AK8: variants seen among roughly 807,000 people sequenced by gnomAD.
AK8 encodes the protein adenylate kinase 8.
In AK8, 44 loss-of-function variants were observed where a neutral mutation model predicts 54.6. That is an observed-to-expected ratio of 0.81 (90% CI 0.63 to 1.04). AK8 has a LOEUF of 1.04. Among genes scored for constraint, AK8 ranks in the 50% least tolerant of loss-of-function variants. The pLI, the probability that AK8 is intolerant of heterozygous loss-of-function variation, is 0.00. For missense variants in AK8, 555 were observed against 613.6 expected, an observed-to-expected ratio of 0.90 and a Z score of 1.01; for synonymous variants, 239 against 245.6, an observed-to-expected ratio of 0.97 and a Z score of 0.25.
intron 11 of AK8, among the ~76,000 whole-genome samples, chr9:132,768,117 A>G (rs914283749): frequency 6.6e-6 from 1 of 152,234 alleles, no homozygotes; most frequent in Non-Finnish European, 1.5e-5. Context: ...TTCCCAAAAT[A>G]AAGAAATGAT....
chr9:132,866,214 C>A (rs1348152376), intron 3 of AK8, among the ~76,000 whole-genome samples: 1 of 152,086 alleles, frequency 6.6e-6, no homozygotes, highest in Non-Finnish European at 1.5e-5. Flanking sequence ...CAAAAAAGGA[C>A]CTTAAAGATC....
chr9:132,779,481 G>A (rs546537091), intron 11 of AK8, among the ~76,000 whole-genome samples: 4 of 152,292 alleles, frequency 2.6e-5, no homozygotes, highest in South Asian at 2.1e-4. Flanking sequence ...ACCACCATGC[G>A]CGGCTTAGCG....
chr9:132,728,284 A>G (rs1836667657), intron 11 of AK8, among the ~76,000 whole-genome samples: 1 of 152,174 alleles, frequency 6.6e-6, no homozygotes, highest in South Asian at 2.1e-4. Context: ...TGGTTCAGGG[A>G]TAGCTCTCAG....
intron 11 of AK8, among the ~76,000 whole-genome samples, chr9:132,734,172 G>T (rs933681948): frequency 6.6e-6 from 1 of 152,196 alleles, no homozygotes; most frequent in Non-Finnish European, 1.5e-5. Flanking sequence ...TATCTGGAAG[G>T]CTTGCGTAAA....
At chr9:132,787,236 G>A (rs1395849594) in intron 11 of AK8, among the ~76,000 whole-genome samples, 1 of 152,116 alleles carries the variant, frequency 6.6e-6, no homozygotes, top group African/African-American at 2.4e-5. Flanking sequence ...AATAATTCAA[G>A]AAAATGTCCC....
Position 132,867,395 on chromosome 9 carries a change from T to C in AK8, c.170-442A>G, listed in dbSNP as rs528575552. On this transcript the variant is annotated intron_variant, in intron 2 of 12. Coordinates refer to ENST00000298545, the MANE Select transcript of AK8 (RefSeq NM_152572.3). Reference sequence around the variant, plus strand: ...CCCATGATTTTACAGAGGGAAGTAATGGGAAAAGCCTGGAGTGTATGGGCC... The same window carrying C: ...CCCATGATTTTACAGAGGGAAGTAACGGGAAAAGCCTGGAGTGTATGGGCC... Among the ~76,000 whole-genome samples the C allele has an allele frequency of 2.4e-4, 37 of 152,324 alleles. No homozygotes were observed. The East Asian group carries it at 5.2e-3, about 21-fold the overall frequency.
At chr9:132,795,295 A>C (rs929156994) in intron 10 of AK8, among the ~76,000 whole-genome samples, 2 of 151,710 alleles carry the variant, frequency 1.3e-5, no homozygotes, top group African/African-American at 2.4e-5. Flanking sequence ...ATAAGCTCCA[A>C]GAGTCACAGT....
Position 132,727,538 on chromosome 9 carries a change from T to C in AK8, c.1122-4A>G, listed in dbSNP as rs1294274275. ...TGGCACATTCAGGAAAAACACCCTA[T>C]AAGGAAATAAACCATATTAATAATG... On this transcript the variant is annotated splice_polypyrimidine_tract_variant and splice_region_variant and intron_variant, in intron 11 of 12. Coordinates refer to ENST00000298545, the MANE Select transcript of AK8 (RefSeq NM_152572.3). The C allele has an allele frequency of 1.2e-6, 2 of 1,612,312 alleles. No individual in the cohort carries two copies. Among genetic ancestry groups the C allele is most frequent in the Non-Finnish European group, 1.7e-6 (2 of 1,178,494 alleles).
At position 132,749,194 on chromosome 9, in the gene AK8, C is replaced by T. The variant is rs115352287; in HGVS notation, c.1122-21660G>A. ...CAGTAAATATTTACAATGTTTTTCA[C>T]GAACTAAGCATGCTACATAACATAA... On this transcript the variant is annotated intron_variant, in intron 11 of 12. Coordinates refer to ENST00000298545, the MANE Select transcript of AK8 (RefSeq NM_152572.3). Among the ~76,000 whole-genome samples, 840 of 152,008 alleles carry T rather than the reference C, an allele frequency of 5.5e-3. 15 individuals are homozygous for T. The highest frequency in any genetic ancestry group is 0.019 in the African/African-American group (799 of 41,526).
chr9:132,862,618 TGCACCCA>T (rs1321309476), intron 4 of AK8, among the ~76,000 whole-genome samples: 5 of 152,106 alleles, frequency 3.3e-5, no homozygotes. Flanking sequence ...CGTGAGTCAT[TGCACCCA>T]GCCCATCCAT....
chr9:132,822,270 A>C (rs1327202104), intron 9 of AK8, among the ~76,000 whole-genome samples: 5 of 126,754 alleles, frequency 3.9e-5, no homozygotes, highest in African/African-American at 6.0e-5. Flanking sequence ...TGTATATACA[A>C]ATATATACAT....
rs1840339322 is a variant in AK8, at chr9:132,799,476, C to T, written c.980-6701G>A. Among the ~76,000 whole-genome samples the T allele has an allele frequency of 6.6e-6, 1 of 152,036 alleles. No homozygotes were observed. Among genetic ancestry groups the T allele is most frequent in the Non-Finnish European group, 1.5e-5 (1 of 67,992 alleles). On this transcript the variant is annotated intron_variant, in intron 10 of 12. Transcript: ENST00000298545. The surrounding 1 kb of genome is among the most constrained non-coding windows in gnomAD (Gnocchi z 5.0). ...CACATGCCCTGCACACGTCACCCCT[C>T]CATGCACACTCATAAACGCCCCCAC...
rs548887528 is a variant in AK8 at position 132,837,819 on chromosome 9, G to C, written c.403-9093C>G. Among the ~76,000 whole-genome samples the C allele has an allele frequency of 4.6e-5, 7 of 152,308 alleles. No homozygotes were observed. Among genetic ancestry groups the C allele is most frequent in the African/African-American group, 1.7e-4 (7 of 41,560 alleles). ...GGGGCACAGGAGGTGTGCTCACTGT[G>C]CTGTGCCCGGCACCTCACCAAGCCC... is the stretch of plus-strand genomic sequence containing the variant. On this transcript the variant is annotated intron_variant, in intron 5 of 12. Transcript: ENST00000298545. This position sits in a 1 kb window ranked among gnomAD's most constrained non-coding sequence, Gnocchi z 4.3.
intron 11 of AK8, among the ~76,000 whole-genome samples, chr9:132,738,830 C>T (rs1837237839): frequency 6.7e-6 from 1 of 148,694 alleles, no homozygotes. Flanking sequence ...TCATGACTGG[C>T]TGCAGCCTCT....
At position 132,803,807 on chromosome 9, in the gene AK8, G is replaced by A. The variant is rs919303300; in HGVS notation, c.979+10831C>T. On this transcript the variant is annotated intron_variant, in intron 10 of 12. Coordinates refer to ENST00000298545, the MANE Select transcript of AK8 (RefSeq NM_152572.3). The surrounding 1 kb of genome is among the most constrained non-coding windows in gnomAD (Gnocchi z 4.4). ...GCCCCCTGTGACCTGTCTCCTCTTT[G>A]TTCCTTCAAGACTAATTCTCTGGGC... Among the ~76,000 whole-genome samples, 2 of 152,064 alleles carry A rather than the reference G, an allele frequency of 1.3e-5. No individual in the cohort carries two copies. Among genetic ancestry groups the A allele is most frequent in the Non-Finnish European group, 2.9e-5 (2 of 68,002 alleles).
chr9:132,762,471 A>G (rs1490470804), intron 11 of AK8, among the ~76,000 whole-genome samples: 2 of 152,214 alleles, frequency 1.3e-5, no homozygotes, highest in African/African-American at 4.8e-5. Flanking sequence ...CAGGAAGATG[A>G]CTAGCTAGAG....
intron 10 of AK8, among the ~76,000 whole-genome samples, chr9:132,796,995 C>T (rs1293770450): frequency 6.6e-6 from 1 of 151,982 alleles, no homozygotes; most frequent in African/African-American, 2.4e-5. Context: ...GCAGGGAGGG[C>T]CAAATTTCCA....
At position 132,800,074 on chromosome 9, in the gene AK8, G is replaced by A. The variant is rs924459880; in HGVS notation, c.980-7299C>T. Among the ~76,000 whole-genome samples the A allele has an allele frequency of 1.2e-4, 18 of 152,274 alleles. 1 individual carries two copies. Among genetic ancestry groups the A allele is most frequent in the East Asian group, 1.9e-4 (1 of 5,176 alleles). Reference sequence around the variant, plus strand: ...CTGAAAGAAGCGGGGCTCGCATCCCGCCAGGGGCTCTACTCTAGGCTGCTG... The same window carrying A: ...CTGAAAGAAGCGGGGCTCGCATCCCACCAGGGGCTCTACTCTAGGCTGCTG... On this transcript the variant is annotated intron_variant, in intron 10 of 12. Transcript: ENST00000298545.
At chr9:132,867,150 C>T (rs1035232987) in intron 2 of AK8, among the ~76,000 whole-genome samples, 197 bp from the exon 3 acceptor site, 11 of 152,068 alleles carry the variant, frequency 7.2e-5, no homozygotes, top group East Asian at 5.8e-4. Context: ...AAGTGATCAC[C>T]GAGATGGTTT....
Sources: allele counts gnomAD v4.1 joint callset (sites outside exome capture counted in the v4.1 genomes callset), GRCh38; gene constraint gnomAD v4.1.1; non-coding constraint Gnocchi (gnomAD v3.1); transcripts MANE v1.5; gene names NCBI Gene and HGNC (gene_info 2026-07-23, HGNC 2026-07-21).